MACROD2: variants seen among roughly 807,000 people sequenced by gnomAD.
MACROD2 encodes ADP-ribose glycohydrolase MACROD2.
A neutral mutation model predicts 70.4 loss-of-function variants in MACROD2; 36 were observed. The observed-to-expected ratio is 0.51, with a 90% CI of 0.39 to 0.68. The LOEUF (loss-of-function observed/expected upper bound fraction) is 0.68, where lower values mean the gene tolerates loss of function less well. MACROD2 is among the 30% of genes least tolerant of loss of function. The pLI is 0.00. For missense variants in MACROD2, 496 were observed against 538.4 expected, an observed-to-expected ratio of 0.92 and a Z score of 0.78; for synonymous variants, 172 against 178.8, an observed-to-expected ratio of 0.96 and a Z score of 0.30.
At chr20:14,681,027 A>G (rs1803603223) in intron 4 of MACROD2, among the ~76,000 whole-genome samples, 1 of 152,212 alleles carries the variant, frequency 6.6e-6, no homozygotes, top group Non-Finnish European at 1.5e-5. Context: ...AATGGCCAGT[A>G]TACATTTGGC....
At chr20:14,720,833 G>A (rs537028814) in intron 5 of MACROD2, among the ~76,000 whole-genome samples, 1 of 151,908 alleles carries the variant, frequency 6.6e-6, no homozygotes, top group Non-Finnish European at 1.5e-5. Context: ...ATTACAGGCA[G>A]AAGCCACTGC....
At chr20:14,532,901 T>A (rs1406671603) in intron 4 of MACROD2, among the ~76,000 whole-genome samples, 2 of 152,198 alleles carry the variant, frequency 1.3e-5, no homozygotes, top group African/African-American at 4.8e-5. Flanking sequence ...TTTTTGTGTC[T>A]TGCTATTTTT....
At chr20:14,173,535 A>C (rs1008690908) in intron 3 of MACROD2, among the ~76,000 whole-genome samples, 1 of 152,052 alleles carries the variant, frequency 6.6e-6, no homozygotes, top group Non-Finnish European at 1.5e-5. Flanking sequence ...TTATTTTTAA[A>C]ATTAAATTTA....
chr20:15,179,952 A>G (rs1272102029), intron 5 of MACROD2, among the ~76,000 whole-genome samples: 3 of 152,174 alleles, frequency 2.0e-5, no homozygotes, highest in Non-Finnish European at 4.4e-5. Flanking sequence ...GTCCAAGATG[A>G]AAGTGTTGGC....
intron 4 of MACROD2, among the ~76,000 whole-genome samples, chr20:14,529,648 T>C (rs1167353120): frequency 3.3e-5 from 5 of 152,182 alleles, no homozygotes; most frequent in Admixed American, 1.3e-4. Flanking sequence ...CCAAGACTGA[T>C]CAAGGTTTAT....
intron 5 of MACROD2, among the ~76,000 whole-genome samples, chr20:14,739,666 G>C (rs1172273272): frequency 6.6e-6 from 1 of 151,918 alleles, no homozygotes. Flanking sequence ...TTTGTTTGTG[G>C]GATGTTGTCA....
intron 3 of MACROD2, among the ~76,000 whole-genome samples, chr20:14,166,098 C>T (rs1238230301): frequency 1.3e-5 from 2 of 151,988 alleles, no homozygotes; most frequent in African/African-American, 2.4e-5. Flanking sequence ...AATGATTTAT[C>T]ATAAGTAAAT....
intron 4 of MACROD2, among the ~76,000 whole-genome samples, chr20:14,528,595 C>G (rs2085264520): frequency 6.6e-6 from 1 of 152,156 alleles, no homozygotes; most frequent in Non-Finnish European, 1.5e-5. Flanking sequence ...CCTTTGCTTT[C>G]TTAGCCCTAT....
At chr20:15,681,428 T>C (rs376217162) in intron 8 of MACROD2, among the ~76,000 whole-genome samples, 58 of 152,358 alleles carry the variant, frequency 3.8e-4, no homozygotes, top group African/African-American at 1.2e-3. Flanking sequence ...CTGAAGTCTT[T>C]GAATAGGCAA....
intron 15 of MACROD2, among the ~76,000 whole-genome samples, chr20:16,013,329 G>A (rs1266283580): frequency 1.3e-5 from 2 of 152,210 alleles, no homozygotes; most frequent in Non-Finnish European, 2.9e-5. Context: ...CCAATTCCAT[G>A]TGGTGTAAAT....
chr20:14,465,418 C>T (rs1258132589), intron 3 of MACROD2, among the ~76,000 whole-genome samples: 1 of 152,022 alleles, frequency 6.6e-6, no homozygotes, highest in Non-Finnish European at 1.5e-5. Flanking sequence ...TTATTTTGAG[C>T]CTTTCTGTGT....
chr20:14,728,805 T>G (rs6110407), intron 5 of MACROD2, among the ~76,000 whole-genome samples: 100,015 of 152,018 alleles, frequency 0.66, 33,274 homozygotes, highest in South Asian at 0.74. Flanking sequence ...CTTATAATAA[T>G]GTCAACTCAG....
At chr20:15,257,135 T>C (rs2077206543) in intron 6 of MACROD2, among the ~76,000 whole-genome samples, 1 of 152,042 alleles carries the variant, frequency 6.6e-6, no homozygotes, top group East Asian at 1.9e-4. Flanking sequence ...TTTTATCAAG[T>C]ATAGGGAACA....
intron 4 of MACROD2, among the ~76,000 whole-genome samples, chr20:14,497,225 A>T (rs1293422302): frequency 6.6e-6 from 1 of 151,710 alleles, no homozygotes; most frequent in Non-Finnish European, 1.5e-5. Flanking sequence ...ATACAATGGC[A>T]CTGTCTTACA....
At chr20:14,499,259 G>A (rs1158245832) in intron 4 of MACROD2, among the ~76,000 whole-genome samples, 1 of 152,164 alleles carries the variant, frequency 6.6e-6, no homozygotes, top group Non-Finnish European at 1.5e-5. Flanking sequence ...GGCCAGGCAC[G>A]GTGGCTCATG....
intron 4 of MACROD2, among the ~76,000 whole-genome samples, chr20:14,647,145 T>C (rs894745789): frequency 6.6e-6 from 1 of 152,172 alleles, no homozygotes; most frequent in South Asian, 2.1e-4. Flanking sequence ...AGGCCTTGGT[T>C]GTACAGCAAG....
intron 8 of MACROD2, among the ~76,000 whole-genome samples, chr20:15,780,440 T>A (rs1006866165): frequency 2.0e-5 from 3 of 152,034 alleles, no homozygotes; most frequent in Non-Finnish European, 4.4e-5. Context: ...TTGTTGTGGT[T>A]TGAAAAAGCT....
chr20:16,044,188 G>C (rs1348188978), intron 16 of MACROD2, among the ~76,000 whole-genome samples: 1 of 152,050 alleles, frequency 6.6e-6, no homozygotes, highest in African/African-American at 2.4e-5. Flanking sequence ...CACATGGCCA[G>C]ACTAGAAGCA....
At chr20:14,090,502 G>T (rs2054133596) in intron 3 of MACROD2, among the ~76,000 whole-genome samples, 1 of 151,040 alleles carries the variant, frequency 6.6e-6, no homozygotes, top group Non-Finnish European at 1.5e-5. Flanking sequence ...GAACCCGGGA[G>T]GTGGAGGTTG....
Sources: gnomAD v4.1 joint callset for allele counts (sites outside exome capture counted in the v4.1 genomes callset) on GRCh38, gnomAD v4.1.1 for gene constraint, MANE v1.5 for transcripts, NCBI Gene and HGNC (gene_info 2026-07-23, HGNC 2026-07-21) for gene names.